Variants in SYNDIG1 observed in about 807,000 individuals in gnomAD.
SYNDIG1 encodes synapse differentiation-inducing gene protein 1.
A neutral mutation model predicts 19.4 loss-of-function variants in SYNDIG1; 9 were observed. That is an observed-to-expected ratio of 0.46 (90% CI 0.28 to 0.81). The LOEUF is 0.81. SYNDIG1 is among the 30% of genes least tolerant of loss of function. SYNDIG1 has a pLI of 0.12. For synonymous variants in SYNDIG1, 141 were observed against 145.9 expected, an observed-to-expected ratio of 0.97 and a Z score of 0.24; for missense variants, 311 against 343.3, an observed-to-expected ratio of 0.91 and a Z score of 0.74.
chr20:24,510,407 T>TA (rs76707708), intron 1 of SYNDIG1, among the ~76,000 whole-genome samples: 1,457 of 137,762 alleles, frequency 0.011, 23 homozygotes, highest in African/African-American at 0.033. Context: ...CATCTGTACT[T>TA]AAAAAAAAAA....
intron 1 of SYNDIG1, among the ~76,000 whole-genome samples, chr20:24,542,296 G>A (rs894503786): frequency 1.3e-5 from 2 of 152,168 alleles, no homozygotes; most frequent in South Asian, 4.1e-4. Context: ...GCCAAAATGT[G>A]CACTGTACAC....
intron 1 of SYNDIG1, among the ~76,000 whole-genome samples, chr20:24,477,349 T>G (rs1019268216): frequency 6.6e-6 from 1 of 152,088 alleles, no homozygotes; most frequent in Non-Finnish European, 1.5e-5. Flanking sequence ...TTTTTTTCTT[T>G]TTTTACCAGA....
intron 3 of SYNDIG1, among the ~76,000 whole-genome samples, chr20:24,619,089 A>C (rs16986779): frequency 0.16 from 24,553 of 152,124 alleles, 2,253 homozygotes; most frequent in African/African-American, 0.24. Context: ...TGGAATTTAA[A>C]ACTGCCAAAA....
chr20:24,523,513 C>T (rs1337310284), intron 1 of SYNDIG1, among the ~76,000 whole-genome samples: 1 of 152,160 alleles, frequency 6.6e-6, no homozygotes, highest in Non-Finnish European at 1.5e-5. Context: ...AATGTTATGG[C>T]TATAAACCCA....
chr20:24,561,768 G>C (rs912681218), intron 2 of SYNDIG1, among the ~76,000 whole-genome samples: 1 of 152,334 alleles, frequency 6.6e-6, no homozygotes, highest in Non-Finnish European at 1.5e-5. Flanking sequence ...CTATCTAAGC[G>C]CTGGGCGTGC....
At chr20:24,586,535 A>G (rs1468128393) in intron 3 of SYNDIG1, among the ~76,000 whole-genome samples, 2 of 152,206 alleles carry the variant, frequency 1.3e-5, no homozygotes, top group African/African-American at 4.8e-5. Context: ...CTGCTGTGCC[A>G]CATAAACTGC....
At chr20:24,521,150 T>G (rs1354987368) in intron 1 of SYNDIG1, among the ~76,000 whole-genome samples, 3 of 152,324 alleles carry the variant, frequency 2.0e-5, no homozygotes, top group Middle Eastern at 3.4e-3. Context: ...GAAAATTTGC[T>G]TCATTTTGAA....
chr20:24,503,766 GAT>G (rs2146400204), intron 1 of SYNDIG1, among the ~76,000 whole-genome samples: 1 of 152,234 alleles, frequency 6.6e-6, no homozygotes, highest in South Asian at 2.1e-4. Context: ...TTGAGCTCAT[GAT>G]CTGCCTCTCA....
chr20:24,471,758 A>G (rs1280165383), intron 1 of SYNDIG1, among the ~76,000 whole-genome samples: 2 of 152,142 alleles, frequency 1.3e-5, no homozygotes, highest in African/African-American at 4.8e-5. Flanking sequence ...CCTTTGGTAG[A>G]GTTTTGGAGG....
chr20:24,546,929 T>C lies in SYNDIG1; in HGVS notation c.480+3352T>C, dbSNP rs545041718. 2.6e-4 allele frequency among the ~76,000 whole-genome samples: 40 copies of C among 152,322 alleles called. 1 individual carries two copies. Among genetic ancestry groups the C allele is most frequent in the Middle Eastern group, 6.8e-3 (2 of 294 alleles). ...ATGTGATTTTTAACTTCTTTGAGTA[T>C]TGTATAGCTTCACTTGGTTTATAGC... On this transcript the variant is annotated intron_variant, in intron 2 of 3. Coordinates refer to ENST00000376862, the MANE Select transcript of SYNDIG1 (RefSeq NM_024893.3).
At chr20:24,541,611 G>GAC (rs1367522122) in intron 1 of SYNDIG1, among the ~76,000 whole-genome samples, 1 of 152,160 alleles carries the variant, frequency 6.6e-6, no homozygotes, top group Non-Finnish European at 1.5e-5. Context: ...ATAAGATGAT[G>GAC]ACACGGGGAA....
At chr20:24,627,168 C>G (rs1199301901) in intron 3 of SYNDIG1, among the ~76,000 whole-genome samples, 8 of 151,054 alleles carry the variant, frequency 5.3e-5, no homozygotes, top group Non-Finnish European at 1.5e-5. Flanking sequence ...AGAGCGAGAG[C>G]GAGAGCGAGA....
intron 1 of SYNDIG1, among the ~76,000 whole-genome samples, chr20:24,529,687 G>A (rs1439586830): frequency 6.6e-6 from 1 of 152,164 alleles, no homozygotes; most frequent in East Asian, 1.9e-4. Flanking sequence ...AGATGTATTT[G>A]TTCTGTGGCC....
intron 3 of SYNDIG1, among the ~76,000 whole-genome samples, chr20:24,612,872 C>T (rs1382593336): frequency 6.6e-6 from 1 of 152,222 alleles, no homozygotes; most frequent in Non-Finnish European, 1.5e-5. Flanking sequence ...AGGACACATC[C>T]TGTGTGCCCA....
intron 3 of SYNDIG1, among the ~76,000 whole-genome samples, chr20:24,644,752 G>A (rs953424050): frequency 1.3e-5 from 2 of 152,164 alleles, no homozygotes; most frequent in African/African-American, 4.8e-5. Flanking sequence ...TTCTCCAGCT[G>A]AGTGCTCCCT....
At chr20:24,601,858 T>C (rs2058684536) in intron 3 of SYNDIG1, among the ~76,000 whole-genome samples, 1 of 152,236 alleles carries the variant, frequency 6.6e-6, no homozygotes, top group African/African-American at 2.4e-5. Flanking sequence ...AAACACTCTC[T>C]GTTTTATGTT....
chr20:24,663,287 G>A (rs772183778), intron 3 of SYNDIG1, among the ~76,000 whole-genome samples: 1 of 152,142 alleles, frequency 6.6e-6, no homozygotes, highest in African/African-American at 2.4e-5. Flanking sequence ...TAGGTTTCTT[G>A]TTAGAGCCAA....
intron 1 of SYNDIG1, chr20:24,502,373 T>A (rs2056476234): frequency 6.6e-6 from 1 of 152,348 alleles, no homozygotes; most frequent in African/African-American, 2.4e-5. Flanking sequence ...GAGCAGGGCT[T>A]GGAGTGTCAC....
At chr20:24,568,962 A>T (rs990923711) in intron 2 of SYNDIG1, among the ~76,000 whole-genome samples, 2 of 152,064 alleles carry the variant, frequency 1.3e-5, no homozygotes, top group African/African-American at 4.8e-5. Context: ...GGCCTGAGGG[A>T]CTCTGGGAGC....
Sources: gnomAD v4.1 joint callset for allele counts (sites outside exome capture counted in the v4.1 genomes callset) on GRCh38, gnomAD v4.1.1 for gene constraint, MANE v1.5 for transcripts, NCBI Gene and HGNC (gene_info 2026-07-23, HGNC 2026-07-21) for gene names.